SGCZ: variants seen among roughly 807,000 people sequenced by gnomAD.
SGCZ encodes the protein sarcoglycan zeta, also known as zeta-sarcoglycan.
In SGCZ, 40 loss-of-function variants were observed where a neutral mutation model predicts 41.3. That is an observed-to-expected ratio of 0.97 (90% CI 0.75 to 1.26). The LOEUF (loss-of-function observed/expected upper bound fraction) is 1.26, where lower values mean the gene tolerates loss of function less well. Among genes scored for constraint, SGCZ ranks in the 50% most tolerant of loss-of-function variants. The pLI, the probability that SGCZ is intolerant of heterozygous loss-of-function variation, is 0.00. For missense variants in SGCZ, 552 were observed against 369.8 expected, an observed-to-expected ratio of 1.49 and a Z score of -4.04; for synonymous variants, 206 against 137.5, an observed-to-expected ratio of 1.50 and a Z score of -3.49.
intron 1 of SGCZ, among the ~76,000 whole-genome samples, chr8:15,205,027 A>G (rs539857875): frequency 1.3e-5 from 2 of 152,324 alleles, no homozygotes; most frequent in African/African-American, 4.8e-5. Context: ...GAATTTTTTC[A>G]TGAAAATTCA....
intron 2 of SGCZ, among the ~76,000 whole-genome samples, chr8:14,548,880 T>C (rs529877947): frequency 4.6e-5 from 7 of 152,234 alleles, no homozygotes; most frequent in Admixed American, 1.3e-4. Context: ...AAGAGGTATT[T>C]GGCGGGAATT....
chr8:14,998,246 T>C (rs1331918255), intron 1 of SGCZ, among the ~76,000 whole-genome samples: 1 of 152,260 alleles, frequency 6.6e-6, no homozygotes, highest in South Asian at 2.1e-4. Context: ...GCAAAGATAA[T>C]GAATAAACCG....
chr8:14,321,442 A>G (rs1415769786), intron 3 of SGCZ, among the ~76,000 whole-genome samples: 1 of 152,038 alleles, frequency 6.6e-6, no homozygotes, highest in Non-Finnish European at 1.5e-5. Context: ...TGATTAGGTT[A>G]GGTGGCTAGA....
chr8:15,134,492 T>G (rs990678379), intron 1 of SGCZ, among the ~76,000 whole-genome samples: 1 of 151,890 alleles, frequency 6.6e-6, no homozygotes, highest in Non-Finnish European at 1.5e-5. Flanking sequence ...TATACTCATA[T>G]TGAAAAATAG....
chr8:14,963,311 G>A (rs1205136072), intron 1 of SGCZ, among the ~76,000 whole-genome samples: 1 of 151,138 alleles, frequency 6.6e-6, no homozygotes, highest in Non-Finnish European at 1.5e-5. Context: ...GCTATCCAGT[G>A]AGGTATAAAT....
chr8:14,705,236 A>G (rs12681603), intron 1 of SGCZ, among the ~76,000 whole-genome samples: 61,232 of 151,636 alleles, frequency 0.4, 14,998 homozygotes, highest in Non-Finnish European at 0.56. Context: ...TTGGTGGGGA[A>G]CATGGACTAC....
chr8:14,202,942 G>T (rs574776507), intron 4 of SGCZ, among the ~76,000 whole-genome samples: 1 of 152,226 alleles, frequency 6.6e-6, no homozygotes, highest in Non-Finnish European at 1.5e-5. Context: ...TGGAATTATG[G>T]GGGCGGGTCT....
At chr8:14,257,147 G>A (rs1799493678) in intron 3 of SGCZ, among the ~76,000 whole-genome samples, 1 of 151,906 alleles carries the variant, frequency 6.6e-6, no homozygotes, top group Non-Finnish European at 1.5e-5. Context: ...TGGGCAATAT[G>A]GCAAAAATTC....
At chr8:14,945,103 A>G (rs1800397956) in intron 1 of SGCZ, among the ~76,000 whole-genome samples, 1 of 131,850 alleles carries the variant, frequency 7.6e-6, no homozygotes. Context: ...AGGAAACCCC[A>G]TGAGAATGAG....
At chr8:14,366,252 G>C (rs1331112705) in intron 2 of SGCZ, among the ~76,000 whole-genome samples, 1 of 152,092 alleles carries the variant, frequency 6.6e-6, no homozygotes, top group Non-Finnish European at 1.5e-5. Flanking sequence ...CTGCATTGCT[G>C]GGAAGCCTCA....
intron 1 of SGCZ, among the ~76,000 whole-genome samples, chr8:14,628,609 C>T (rs181138024): frequency 3.9e-4 from 59 of 152,168 alleles, no homozygotes; most frequent in African/African-American, 1.3e-3. Flanking sequence ...GAGAGGAGCT[C>T]TTGTCAAATA....
intron 1 of SGCZ, among the ~76,000 whole-genome samples, chr8:14,603,384 T>A (rs562834421): frequency 1.3e-5 from 2 of 152,246 alleles, no homozygotes; most frequent in South Asian, 4.2e-4. Flanking sequence ...AAAAAGGCTA[T>A]TCAAAATGCT....
At chr8:14,151,260 T>G (rs1341156593) in intron 5 of SGCZ, among the ~76,000 whole-genome samples, 3 of 152,154 alleles carry the variant, frequency 2.0e-5, no homozygotes, top group African/African-American at 7.2e-5. Context: ...CATTGCATTC[T>G]TGCATCGACA....
intron 1 of SGCZ, among the ~76,000 whole-genome samples, chr8:15,012,509 T>C (rs1369350424): frequency 7.5e-6 from 1 of 134,068 alleles, no homozygotes; most frequent in African/African-American, 2.7e-5. Flanking sequence ...TGTATAAATA[T>C]ATATTTATAC....
At chr8:14,685,833 A>G (rs557395851) in intron 1 of SGCZ, among the ~76,000 whole-genome samples, 7 of 152,252 alleles carry the variant, frequency 4.6e-5, no homozygotes, top group Admixed American at 2.6e-4. Flanking sequence ...CTGTCAATAA[A>G]TGTTCATTAA....
chr8:14,247,845 G>A (rs1276449506), intron 3 of SGCZ, among the ~76,000 whole-genome samples: 1 of 152,198 alleles, frequency 6.6e-6, no homozygotes, highest in Admixed American at 6.5e-5. Flanking sequence ...CACCTCAATT[G>A]ATGAGGTCAA....
At chr8:14,989,422 G>T (rs1470126315) in intron 1 of SGCZ, among the ~76,000 whole-genome samples, 1 of 152,034 alleles carries the variant, frequency 6.6e-6, no homozygotes, top group African/African-American at 2.4e-5. Flanking sequence ...GGAAGTCAAG[G>T]CTGCAGTGAG....
chr8:14,247,741 G>C (rs1483587923), intron 3 of SGCZ, among the ~76,000 whole-genome samples: 5 of 152,098 alleles, frequency 3.3e-5, no homozygotes, highest in African/African-American at 9.7e-5. Flanking sequence ...GGGTAATGTT[G>C]CCCTCACACC....
chr8:15,154,600 C>A (rs1474116967), intron 1 of SGCZ, among the ~76,000 whole-genome samples: 1 of 152,126 alleles, frequency 6.6e-6, no homozygotes, highest in East Asian at 1.9e-4. Context: ...CTTCAGAATG[C>A]CACCATATGC....
Sources: allele counts gnomAD v4.1 joint callset (sites outside exome capture counted in the v4.1 genomes callset), GRCh38; gene constraint gnomAD v4.1.1; transcripts MANE v1.5; gene names NCBI Gene and HGNC (gene_info 2026-07-23, HGNC 2026-07-21).